PRMT8: variants seen among roughly 807,000 people sequenced by gnomAD.
PRMT8 encodes protein arginine methyltransferase 8.
In PRMT8, 7 loss-of-function variants were observed where a neutral mutation model predicts 47.1. That is an observed-to-expected ratio of 0.15 (90% CI 0.08 to 0.28). The LOEUF (loss-of-function observed/expected upper bound fraction) is 0.28. Among genes scored for constraint, PRMT8 ranks in the 10% least tolerant of loss-of-function variants. The pLI is 1.00. For missense variants in PRMT8, 237 were observed against 505.4 expected (o/e 0.47, Z 5.09); for synonymous variants, 188 against 186.5 (o/e 1.01, Z -0.07).
At position 3,514,159 on chromosome 12, in the gene PRMT8, C is replaced by A. The variant is rs1357109856; in HGVS notation, c.75+22459C>A. Among the ~76,000 whole-genome samples, 2 of 151,414 alleles carry A rather than the reference C, an allele frequency of 1.3e-5. No homozygotes were observed. Among genetic ancestry groups the A allele is most frequent in the African/African-American group, 4.9e-5 (2 of 41,170 alleles). ...AGTCAGGCTGTGAGCCCTGACTGTT[C>A]CATGTGTCAGGCTGCCGTGCAGATG... On this transcript the variant is annotated intron_variant, in intron 1 of 9. Transcript: ENST00000382622. The surrounding 1 kb of genome is among the most constrained non-coding windows in gnomAD (Gnocchi z 5.9).
At chr12:3,469,915 A>G (rs1284135911) in intron 1 of PRMT8, among the ~76,000 whole-genome samples, 1 of 152,132 alleles carries the variant, frequency 6.6e-6, no homozygotes, top group Non-Finnish European at 1.5e-5. Flanking sequence ...GCAGACACAC[A>G]CACAGCATCG....
Position 3,569,487 on chromosome 12 carries a change from G to T in PRMT8, c.635G>T (p.Gly212Val). The change falls in exon 6 of 10, where the codon GGG becomes GTG. Residue 212 changes from glycine (G) to valine (V), a missense_variant. Around this residue, in one of 5 missense-constraint regions of PRMT8, gnomAD observed 151 missense variants for 341.1 expected, o/e 0.44. Transcript: ENST00000382622. This position sits in a 1 kb window ranked among gnomAD's most constrained non-coding sequence, Gnocchi z 8.2. ...ACAATTCATCAACAGAAACCTGGAG[G>T]GCTTATGTTTCCAGACCGGGCAGCT... ...FARDKWLKPG[G>V]LMFPDRAALY... The T allele has an allele frequency of 6.2e-7, 1 of 1,614,086 alleles. No individual in the cohort carries two copies. The highest frequency in any genetic ancestry group is 8.5e-7 in the Non-Finnish European group (1 of 1,179,954).
chr12:3,437,481 G>A (rs780212394), intron 1 of PRMT8, among the ~76,000 whole-genome samples: 1 of 151,916 alleles, frequency 6.6e-6, no homozygotes, highest in Non-Finnish European at 1.5e-5. Context: ...AAAAAGCATA[G>A]TGCTCGATAA....
Position 3,393,397 on chromosome 12 carries a change from G to A in PRMT8, c.48+11955G>A, listed in dbSNP as rs1196120651. On this transcript the variant is annotated intron_variant, in intron 1 of 9. Coordinates refer to the PRMT8 transcript ENST00000452611. ...TCTTGAATTGATTTTTGTATAAGGT[G>A]TAAGGAAGGGATCCAGTTTCAGCTT... 2.1e-3 allele frequency among the ~76,000 whole-genome samples: 320 copies of A among 151,310 alleles called. 2 individuals are homozygous for A. The highest frequency in any genetic ancestry group is 1.4e-3 in the Non-Finnish European group (92 of 67,826).
chr12:3,581,833 GTCCA>G (rs1432948831), intron 7 of PRMT8, among the ~76,000 whole-genome samples: 2 of 152,190 alleles, frequency 1.3e-5, no homozygotes, highest in African/African-American at 4.8e-5. Context: ...CTTTTTCTCT[GTCCA>G]TCCCTGTGGA....
At chr12:3,463,683 A>ACCT (rs1217427585) in intron 1 of PRMT8, 1 of 152,042 alleles carries the variant, frequency 6.6e-6, no homozygotes, top group Non-Finnish European at 1.5e-5. Flanking sequence ...TGTAACCTCC[A>ACCT]CCTCCTCTCA....
At position 3,570,964 on chromosome 12, in the gene PRMT8, C is replaced by A. The variant is rs1866834116; in HGVS notation, c.712+1400C>A. On this transcript the variant is annotated intron_variant, in intron 6 of 9. Coordinates refer to ENST00000382622, the MANE Select transcript of PRMT8 (RefSeq NM_019854.5). This position sits in a 1 kb window ranked among gnomAD's most constrained non-coding sequence, Gnocchi z 5.5. ...CACACTGCCAGCCCTGGGTTTAAAT[C>A]TTGGCTTTGCCATGTCCTAACTGGG... 6.6e-6 allele frequency among the ~76,000 whole-genome samples: 1 copy of A among 152,234 alleles called. No homozygotes were observed. Among genetic ancestry groups the A allele is most frequent in the Admixed American group, 6.5e-5 (1 of 15,284 alleles).
Position 3,394,953 on chromosome 12 carries a change from T to C in PRMT8, c.48+13511T>C, listed in dbSNP as rs1054990660. Among the ~76,000 whole-genome samples the C allele has an allele frequency of 1.4e-3, 217 of 152,194 alleles. 2 individuals are homozygous for C. The Middle Eastern group carries it at 0.027, about 19-fold the overall frequency. ...GTTTAGTCTTGGGAGAGTGTATGTG[T>C]CGAGGAATTTATCCACTTCTTCTAG... On this transcript the variant is annotated intron_variant, in intron 1 of 9. Coordinates refer to the PRMT8 transcript ENST00000452611.
At chr12:3,555,733 G>A (rs1012597509) in intron 4 of PRMT8, among the ~76,000 whole-genome samples, 1 of 152,224 alleles carries the variant, frequency 6.6e-6, no homozygotes, top group African/African-American at 2.4e-5. Flanking sequence ...CAGCAGTGGA[G>A]CTGGAGAGAA....
In PRMT8 at chr12:3,561,968, T is replaced by G. The variant is rs183185712; in HGVS notation, c.482-6738T>G. Among the ~76,000 whole-genome samples the G allele has an allele frequency of 1.6e-3, 248 of 152,280 alleles. 1 individual carries two copies. The highest frequency in any genetic ancestry group is 5.3e-3 in the African/African-American group (220 of 41,550). On this transcript the variant is annotated intron_variant, in intron 4 of 9. Coordinates refer to ENST00000382622, the MANE Select transcript of PRMT8 (RefSeq NM_019854.5). ...TGAGAGCTGACTGTGAAAGTTTCAG[T>G]AAATTTGCAGAATGGATGCCATCAT... is the stretch of plus-strand genomic sequence containing the variant.
chr12:3,460,680 T>C (rs1418103097), intron 1 of PRMT8, among the ~76,000 whole-genome samples: 1 of 152,066 alleles, frequency 6.6e-6, no homozygotes, highest in Admixed American at 6.5e-5. Context: ...GCGAGGAAAT[T>C]AAGGTTAAGT....
chr12:3,471,513 G>A (rs1865162167), intron 1 of PRMT8, among the ~76,000 whole-genome samples: 1 of 151,818 alleles, frequency 6.6e-6, no homozygotes, highest in African/African-American at 2.4e-5. Flanking sequence ...AGGGCTCCGA[G>A]GATCTGGTTG....
At chr12:3,397,431 A>G (rs1222702232) in intron 1 of PRMT8, among the ~76,000 whole-genome samples, 1 of 150,822 alleles carries the variant, frequency 6.6e-6, no homozygotes, top group Non-Finnish European at 1.5e-5. Context: ...CTTTTAACAG[A>G]CAGGACCCTC....
intron 1 of PRMT8, among the ~76,000 whole-genome samples, chr12:3,388,666 T>C (rs1864163625): frequency 6.6e-6 from 1 of 152,082 alleles, no homozygotes. Context: ...ACTTGCTCAA[T>C]GTCTCACAGC....
intron 1 of PRMT8, among the ~76,000 whole-genome samples, chr12:3,399,490 G>A (rs1462939764): frequency 6.6e-6 from 1 of 152,170 alleles, no homozygotes; most frequent in Admixed American, 6.5e-5. Flanking sequence ...GATGCAGCAG[G>A]TTTGTCTATA....
intron 1 of PRMT8, among the ~76,000 whole-genome samples, chr12:3,413,730 A>G (rs1312153110): frequency 1.3e-5 from 2 of 152,196 alleles, no homozygotes; most frequent in African/African-American, 2.4e-5. Context: ...TCGTTGACCA[A>G]AGTGTCATGT....
At position 3,452,692 on chromosome 12, in the gene PRMT8, T is replaced by C. The variant is rs573694686; in HGVS notation, c.48+71250T>C. On this transcript the variant is annotated intron_variant, in intron 1 of 9. Coordinates refer to the PRMT8 transcript ENST00000452611. Reference sequence around the variant, plus strand: ...CCTAGGAACAGGGTCTGCTGTCTTCTGGGCCTCTTCCCAGGACTTCTGCCT... The same window carrying C: ...CCTAGGAACAGGGTCTGCTGTCTTCCGGGCCTCTTCCCAGGACTTCTGCCT... Among the ~76,000 whole-genome samples the C allele has an allele frequency of 7.7e-4, 118 of 152,344 alleles. 1 individual carries two copies. In the South Asian group the frequency reaches 0.024, roughly 31 times the overall value.
chr12:3,381,561 G>A, intron 1 of PRMT8: 1 of 915,946 alleles, frequency 1.1e-6, no homozygotes, highest in Non-Finnish European at 1.7e-6. Flanking sequence ...TGCAGAGCCT[G>A]CTCACGTCTC....
intron 7 of PRMT8, among the ~76,000 whole-genome samples, chr12:3,579,760 T>A (rs1867018745): frequency 6.6e-6 from 1 of 152,306 alleles, no homozygotes; most frequent in African/African-American, 2.4e-5. Context: ...CACTTTATTA[T>A]AATTAAGGTT....
Sources: allele counts gnomAD v4.1 joint callset (sites outside exome capture counted in the v4.1 genomes callset), GRCh38; gene constraint gnomAD v4.1.1; regional missense constraint gnomAD v4.1.1; non-coding constraint Gnocchi (gnomAD v3.1); transcripts MANE v1.5; gene names NCBI Gene and HGNC (gene_info 2026-07-23, HGNC 2026-07-21).